The following TBC1D1 variants were observed in gnomAD, a reference collection of about 807,000 sequenced individuals.
TBC1D1 encodes TBC1 (tre-2/USP6, BUB2, cdc16) domain family, member 1.
In TBC1D1, 89 loss-of-function variants were observed where a neutral mutation model predicts 125.6. That is an observed-to-expected ratio of 0.71 (90% CI 0.60 to 0.85). The LOEUF (loss-of-function observed/expected upper bound fraction) is 0.85, where lower values mean the gene tolerates loss of function less well. Among genes scored for constraint, TBC1D1 ranks in the 40% least tolerant of loss-of-function variants. The pLI, the probability that TBC1D1 is intolerant of heterozygous loss-of-function variation, is 0.00. For missense variants in TBC1D1, 1,377 were observed against 1,469.2 expected (o/e 0.94, Z 1.03); for synonymous variants, 565 against 564.1 (o/e 1.00, Z -0.02).
chr4:38,090,223 T>C, intron 13 of TBC1D1, 106 bp downstream of exon 15: 1 of 1,047,770 alleles, frequency 9.5e-7, no homozygotes, highest in Admixed American at 2.2e-5. Context: ...AGCACGATAG[T>C]CTAATGTATA....
chr4:38,052,578 G>A (rs910992065), intron 11 of TBC1D1, among the ~76,000 whole-genome samples: 5 of 151,774 alleles, frequency 3.3e-5, no homozygotes, highest in Admixed American at 2.6e-4. Context: ...CAAGTGATCC[G>A]CCTGCCTCAG....
chr4:37,955,312 T>C (rs1728721882), intron 2 of TBC1D1, among the ~76,000 whole-genome samples: 1 of 152,192 alleles, frequency 6.6e-6, no homozygotes, highest in Admixed American at 6.5e-5. Context: ...TACATACCTC[T>C]CTATGTGTAT....
intron 11 of TBC1D1, chr4:38,052,052 G>C: frequency 6.4e-7 from 1 of 1,551,134 alleles, no homozygotes; most frequent in East Asian, 2.4e-5. Context: ...GGAATGCTGT[G>C]CCAAAGAGGT....
At chr4:38,039,727 A>G (rs1383312430) in intron 8 of TBC1D1, among the ~76,000 whole-genome samples, 1 of 152,216 alleles carries the variant, frequency 6.6e-6, no homozygotes, top group African/African-American at 2.4e-5. Flanking sequence ...CTTGAATCCA[A>G]ACTTTCATGC....
intron 2 of TBC1D1, among the ~76,000 whole-genome samples, chr4:37,925,879 T>C (rs1172534733): frequency 2.0e-5 from 3 of 152,200 alleles, no homozygotes; most frequent in African/African-American, 7.2e-5. Context: ...AGTAGTTTGG[T>C]ATCAATTTAC....
At chr4:37,911,271 T>C (rs1718578998) in intron 2 of TBC1D1, among the ~76,000 whole-genome samples, 1 of 151,926 alleles carries the variant, frequency 6.6e-6, no homozygotes, top group Non-Finnish European at 1.5e-5. Context: ...TTTTAGGATA[T>C]ACTGAAGTAG....
chr4:38,102,912 T>A, intron 14 of TBC1D1, 87 bp from the exon 17 acceptor site: 6 of 1,367,154 alleles, frequency 4.4e-6, no homozygotes, highest in South Asian at 1.5e-5. Flanking sequence ...AGAATTTGGA[T>A]AAATGGAACA....
At chr4:37,922,294 C>A (rs1342909988) in intron 2 of TBC1D1, among the ~76,000 whole-genome samples, 1 of 152,182 alleles carries the variant, frequency 6.6e-6, no homozygotes, top group Non-Finnish European at 1.5e-5. Flanking sequence ...TGTAATTCAA[C>A]CCGTCCTATT....
At chr4:38,033,930 A>G (rs778014355) in intron 7 of TBC1D1, among the ~76,000 whole-genome samples, 2 of 152,162 alleles carry the variant, frequency 1.3e-5, no homozygotes, top group Admixed American at 6.5e-5. Context: ...TTCTTTACCC[A>G]TTTGCCGATC....
intron 2 of TBC1D1, among the ~76,000 whole-genome samples, chr4:37,913,450 T>G (rs1410527437): frequency 6.6e-6 from 1 of 151,806 alleles, no homozygotes; most frequent in Non-Finnish European, 1.5e-5. Context: ...AATACAAAAA[T>G]TAGGCAGGTG....
intron 17 of TBC1D1, among the ~76,000 whole-genome samples, chr4:38,120,502 A>G (rs1267945801): frequency 1.3e-5 from 2 of 152,230 alleles, no homozygotes; most frequent in Admixed American, 6.5e-5. Flanking sequence ...CCTAGGGCCC[A>G]TTTCATTATA....
chr4:37,946,732 G>A (rs931159347), intron 2 of TBC1D1, among the ~76,000 whole-genome samples: 1 of 152,162 alleles, frequency 6.6e-6, no homozygotes, highest in African/African-American at 2.4e-5. Context: ...TCTGGAGAAG[G>A]CATGAGAAAG....
At chr4:37,893,389 G>A (rs762028309) in intron 1 of TBC1D1, among the ~76,000 whole-genome samples, 2 of 152,150 alleles carry the variant, frequency 1.3e-5, no homozygotes, top group Non-Finnish European at 2.9e-5. Flanking sequence ...AGGATCATTT[G>A]TTTTGCCCTT....
chr4:37,921,013 G>A (rs1720834833), intron 2 of TBC1D1, among the ~76,000 whole-genome samples: 1 of 151,774 alleles, frequency 6.6e-6, no homozygotes, highest in Admixed American at 6.6e-5. Flanking sequence ...AGGAGGCTGA[G>A]GCGGGAGAAT....
At chr4:38,055,550 G>T (rs1315610054) in intron 12 of TBC1D1, among the ~76,000 whole-genome samples, 6 of 152,200 alleles carry the variant, frequency 3.9e-5, no homozygotes, top group Non-Finnish European at 8.8e-5. Context: ...CTTCGGGTGA[G>T]CCTGGCCCCT....
At chr4:37,943,600 T>G (rs543953684) in intron 2 of TBC1D1, among the ~76,000 whole-genome samples, 2 of 152,378 alleles carry the variant, frequency 1.3e-5, no homozygotes, top group African/African-American at 4.8e-5. Flanking sequence ...CTTCAATCAC[T>G]GATATCCTTT....
chr4:38,086,459 C>T (rs1757500761), intron 12 of TBC1D1, among the ~76,000 whole-genome samples: 1 of 152,186 alleles, frequency 6.6e-6, no homozygotes, highest in African/African-American at 2.4e-5. Context: ...GTTGAGAAAC[C>T]CTCCTTTAAA....
chr4:37,924,591 C>T (rs1721683240), intron 2 of TBC1D1, among the ~76,000 whole-genome samples: 1 of 152,188 alleles, frequency 6.6e-6, no homozygotes, highest in Admixed American at 6.5e-5. Context: ...ATGAATTTGC[C>T]TATTCTAGGC....
intron 15 of TBC1D1, among the ~76,000 whole-genome samples, chr4:38,109,499 C>T (rs1053313065): frequency 6.6e-6 from 1 of 152,164 alleles, no homozygotes; most frequent in Non-Finnish European, 1.5e-5. Context: ...CTCCTCTCAC[C>T]CCTCAGAGGA....
Sources: allele counts gnomAD v4.1 joint callset (sites outside exome capture counted in the v4.1 genomes callset), GRCh38; gene constraint gnomAD v4.1.1; transcripts MANE v1.5; gene names NCBI Gene and HGNC (gene_info 2026-07-23, HGNC 2026-07-21).